PPP1R3A: variants seen among roughly 807,000 people sequenced by gnomAD.
The protein encoded by PPP1R3A is RG1.
In PPP1R3A, 29 loss-of-function variants were observed where a neutral mutation model predicts 41.7. The ratio of observed to expected loss-of-function variants is 0.70; its 90% CI spans 0.52 to 0.95. The LOEUF (loss-of-function observed/expected upper bound fraction) is 0.95, where lower values mean the gene tolerates loss of function less well. Ranked by LOEUF, PPP1R3A falls within the 40% of genes least tolerant of loss-of-function variation. The pLI is 0.00. For missense variants in PPP1R3A, 1,352 were observed against 1,292.4 expected (o/e 1.05, Z -0.71); for synonymous variants, 485 against 453.4 (o/e 1.07, Z -0.89).
rs1796588495 is a variant in PPP1R3A at position 113,877,610 on chromosome 7, T to A, written c.*113A>T. ...CTTATTCGCGTCCCTTTTTAAATGA[T>A]CCTTCAAGAGAAAAACTGCACTGGA... On this transcript the variant is annotated 3_prime_UTR_variant, in exon 4 of 4. Coordinates refer to ENST00000284601, the MANE Select transcript of PPP1R3A (RefSeq NM_002711.4). 7.9e-7 allele frequency: 1 copy of A among 1,262,042 alleles called. No homozygotes were observed. Among genetic ancestry groups the A allele is most frequent in the Admixed American group, 2.4e-5 (1 of 40,982 alleles). The allele number at this position is 1,262,042 out of a possible 1,614,324, so 78.2% of individuals were successfully genotyped here. A position where few individuals can be genotyped will look rare whatever the true frequency, so the allele number is the denominator to read the frequency against.
At position 113,878,690 on chromosome 7, in the gene PPP1R3A, A is replaced by G. The variant is rs1339624302; in HGVS notation, c.2402T>C (p.Phe801Ser). 2 of 1,613,370 alleles carry G rather than the reference A, an allele frequency of 1.2e-6. No homozygotes were observed. The highest frequency in any genetic ancestry group is 1.1e-5 in the South Asian group (1 of 91,062). The change falls in exon 4 of 4, where the codon TTT becomes TCT. Residue 801 changes from phenylalanine to serine, a missense_variant. Phe to Ser is a radical substitution (Grantham distance 155, BLOSUM62 -2). Transcript: ENST00000284601. ...DTVGVIYDND[F>S]EKESRLGICN... is the part of the protein sequence containing the mutation. ...AATACCTAAACGTGATTCCTTTTCA[A>G]AATCATTGTCATAGATTACACCTAC...
Position 113,877,803 on chromosome 7 carries a change from C to G in PPP1R3A, c.3289G>C (p.Gly1097Arg). ...ITVYHYDLMI[G>R]LTFYVLSLSW... ...AATGACAAAACGTAGAATGTCAAGC[C>G]AATCATTAAGTCATAATGGTAGACA... is the stretch of plus-strand genomic sequence containing the variant. The change falls in exon 4 of 4, where the codon GGC (glycine) becomes CGC (arginine). Residue 1097 changes from glycine (G) to arginine (R), a missense_variant. By Grantham distance (125) the Gly-to-Arg change is moderately radical. Transcript: ENST00000284601. 1 of 1,606,534 alleles carries G rather than the reference C, an allele frequency of 6.2e-7. No individual in the cohort carries two copies. Among genetic ancestry groups the G allele is most frequent in the Non-Finnish European group, 8.5e-7 (1 of 1,174,722 alleles).
At position 113,878,267 on chromosome 7, in the gene PPP1R3A, G is replaced by A; in HGVS notation, c.2825C>T (p.Ala942Val). Residue 942 changes from alanine to valine, a missense_variant, in exon 4 of 4, where the codon GCT becomes GTT. Transcript: ENST00000284601. ...IAVENAVTTM[A>V]SQPISTKSEN... ...TGATTTCGTAGAAATAGGTTGGCTA[G>A]CCATGGTAGTAACTGCATTCTCTAC... 2 of 1,613,136 alleles carry A rather than the reference G, an allele frequency of 1.2e-6. No individual in the cohort carries two copies. The highest frequency in any genetic ancestry group is 1.7e-6 in the Non-Finnish European group (2 of 1,179,548).
At position 113,916,212 on chromosome 7, in the gene PPP1R3A, T is replaced by A. The variant is rs532062521; in HGVS notation, c.782+2003A>T. 5.1e-3 allele frequency among the ~76,000 whole-genome samples: 776 copies of A among 152,136 alleles called. 6 individuals carry two copies. The highest frequency in any genetic ancestry group is 0.018 in the African/African-American group (738 of 41,546). ...TATTTGTGGTTTTGAGGGAGAGAGA[T>A]TTTTTCCATTTTTATAACTCATTAG... On this transcript the variant is annotated intron_variant, in intron 1 of 3. Coordinates refer to ENST00000284601, the MANE Select transcript of PPP1R3A (RefSeq NM_002711.4).
At chr7:113,900,074 T>TA (rs377550694) in intron 1 of PPP1R3A, among the ~76,000 whole-genome samples, 1 of 149,446 alleles carries the variant, frequency 6.7e-6, no homozygotes, top group African/African-American at 2.5e-5. Flanking sequence ...CTTTTTTTTT[T>TA]AACTTAAAGG....
intron 1 of PPP1R3A, among the ~76,000 whole-genome samples, chr7:113,889,888 G>A (rs1796849029): frequency 6.6e-6 from 1 of 152,072 alleles, no homozygotes; most frequent in African/African-American, 2.4e-5. Context: ...AGCTAATGGG[G>A]AGAGTGGACA....
chr7:113,914,026 A>G (rs956334238), intron 1 of PPP1R3A, among the ~76,000 whole-genome samples: 7 of 152,140 alleles, frequency 4.6e-5, no homozygotes, highest in African/African-American at 1.7e-4. Flanking sequence ...CATTTGTTGA[A>G]TAAGTTTTGG....
intron 1 of PPP1R3A, among the ~76,000 whole-genome samples, chr7:113,909,164 A>G (rs1020117829): frequency 1.3e-5 from 2 of 151,964 alleles, no homozygotes; most frequent in Non-Finnish European, 2.9e-5. Flanking sequence ...GAAATTAATA[A>G]TGGCTAAAAA....
chr7:113,914,501 G>A (rs775168383), intron 1 of PPP1R3A, among the ~76,000 whole-genome samples: 6 of 152,070 alleles, frequency 3.9e-5, no homozygotes, highest in Non-Finnish European at 8.8e-5. Flanking sequence ...TTACAGTTCA[G>A]TTAGTCTTCC....
At chr7:113,889,684 C>T (rs563739790) in intron 1 of PPP1R3A, among the ~76,000 whole-genome samples, 11 of 152,140 alleles carry the variant, frequency 7.2e-5, no homozygotes, top group South Asian at 2.1e-4. Context: ...AATAAATATG[C>T]CCTGAACATA....
chr7:113,915,221 T>C (rs1210796497), intron 1 of PPP1R3A, among the ~76,000 whole-genome samples: 3 of 151,966 alleles, frequency 2.0e-5, no homozygotes, highest in Non-Finnish European at 4.4e-5. Flanking sequence ...AATGTGGAGA[T>C]TTGCAAACTC....
At chr7:113,895,545 T>G (rs2129117289) in intron 1 of PPP1R3A, among the ~76,000 whole-genome samples, 1 of 152,120 alleles carries the variant, frequency 6.6e-6, no homozygotes, top group East Asian at 1.9e-4. Context: ...TTACTCTATG[T>G]TTTTGTTTGT....
intron 1 of PPP1R3A, among the ~76,000 whole-genome samples, chr7:113,897,219 T>C (rs756806479): frequency 8.6e-5 from 13 of 151,830 alleles, no homozygotes; most frequent in Non-Finnish European, 1.5e-4. Context: ...GCAGTGGGTC[T>C]ACAGAAGTCT....
intron 1 of PPP1R3A, among the ~76,000 whole-genome samples, chr7:113,901,227 G>T (rs193179806): frequency 6.6e-6 from 1 of 151,684 alleles, no homozygotes; most frequent in Admixed American, 6.6e-5. Context: ...ATCCAAAGAG[G>T]GTATAGGAGC....
At chr7:113,900,560 C>A (rs1178729359) in intron 1 of PPP1R3A, among the ~76,000 whole-genome samples, 1 of 149,878 alleles carries the variant, frequency 6.7e-6, no homozygotes, top group African/African-American at 2.4e-5. Flanking sequence ...ATACATATAT[C>A]ATTATATATG....
intron 1 of PPP1R3A, among the ~76,000 whole-genome samples, chr7:113,912,506 T>C (rs1273684759): frequency 4.6e-5 from 7 of 152,118 alleles, no homozygotes; most frequent in African/African-American, 1.7e-4. Flanking sequence ...GAGGATTTTT[T>C]AAGTTTGATA....
At chr7:113,900,102 T>C (rs1273218009) in intron 1 of PPP1R3A, among the ~76,000 whole-genome samples, 1 of 151,690 alleles carries the variant, frequency 6.6e-6, no homozygotes, top group Non-Finnish European at 1.5e-5. Flanking sequence ...GATGTTGTTT[T>C]AGGTAGGAAA....
chr7:113,904,771 G>A (rs1797118707), intron 1 of PPP1R3A, among the ~76,000 whole-genome samples: 1 of 151,620 alleles, frequency 6.6e-6, no homozygotes, highest in Admixed American at 6.6e-5. Flanking sequence ...TCACTGTACA[G>A]AAAATTATAT....
chr7:113,891,781 T>C (rs1796893590), intron 1 of PPP1R3A, among the ~76,000 whole-genome samples: 2 of 152,054 alleles, frequency 1.3e-5, no homozygotes. Flanking sequence ...TAATATGGTT[T>C]TTCCAAAGGT....
Sources: gnomAD v4.1 joint callset for allele counts (sites outside exome capture counted in the v4.1 genomes callset) on GRCh38, gnomAD v4.1.1 for gene constraint, MANE v1.5 for transcripts, NCBI Gene and HGNC (gene_info 2026-07-23, HGNC 2026-07-21) for gene names.